The following RAB3D variants were observed in gnomAD, a reference collection of about 807,000 sequenced individuals.
RAB3D encodes ras-related protein Rab-3D.
RAB3D carries 17 observed loss-of-function variants against 19.3 expected under a neutral mutation model. The observed-to-expected ratio is 0.88, with a 90% confidence interval of 0.60 to 1.32. The LOEUF (loss-of-function observed/expected upper bound fraction) is 1.32. RAB3D is among the 40% of genes most tolerant of loss of function. The pLI, the probability that RAB3D is intolerant of heterozygous loss-of-function variation, is 0.00. For synonymous variants in RAB3D, 103 were observed against 119.9 expected, an observed-to-expected ratio of 0.86 and a Z score of 0.92; for missense variants, 223 against 299.1, an observed-to-expected ratio of 0.75 and a Z score of 1.88.
At position 11,324,568 on chromosome 19, in the gene RAB3D, CT is replaced by C. The variant is rs2080800171; in HGVS notation, c.*829del. The C allele has an allele frequency of 6.6e-6, 1 of 152,648 alleles. No individual in the cohort carries two copies. Among genetic ancestry groups the C allele is most frequent in the Admixed American group, 6.5e-5 (1 of 15,270 alleles). 9.5% of individuals were successfully genotyped at this position (152,648 alleles called of 1,614,324 possible). On this transcript the variant is annotated 3_prime_UTR_variant, in exon 5 of 5. Transcript: ENST00000222120. ...TCCTGGCTCTGAGGTTAATTAACTTCTGGCCGAAAGCCCAGAGCCGGAGTGC... is the reference window on the plus strand; with the variant it reads ...TCCTGGCTCTGAGGTTAATTAACTTCGGCCGAAAGCCCAGAGCCGGAGTGC...
rs1485846704 is a variant in RAB3D at position 11,325,147 on chromosome 19, C to T, written c.*251G>A. 5 of 430,964 alleles carry T rather than the reference C, an allele frequency of 1.2e-5. No individual in the cohort carries two copies. The highest frequency in any genetic ancestry group is 4.0e-5 in the East Asian group (1 of 24,800). The allele number at this position is 430,964 out of a possible 1,614,324, so 26.7% of individuals were successfully genotyped here. On this transcript the variant is annotated 3_prime_UTR_variant, in exon 5 of 5. Transcript: ENST00000222120. ...CCCTGGAAAGCAGCAAGCTCATGCA[C>T]GTCAGTGTCCCTGGGCCTCTGCCTG...
rs1278216691 is a variant in RAB3D at position 11,322,661 on chromosome 19, T to C, written c.*2737A>G. The C allele has an allele frequency of 6.6e-6, 1 of 152,204 alleles. No individual in the cohort carries two copies. The highest frequency in any genetic ancestry group is 6.5e-5 in the Admixed American group (1 of 15,276). The allele number at this position is 152,204 out of a possible 1,614,324, so 9.4% of individuals were successfully genotyped here. ...ATCATTCAATGTAACATTTGCCTTA[T>C]TTTTAGAAGAAACAAATGTTCCCAT... On this transcript the variant is annotated 3_prime_UTR_variant, in exon 5 of 5. Transcript: ENST00000222120.
chr19:11,328,152 G>C (rs536812779), intron 4 of RAB3D, among the ~76,000 whole-genome samples: 123 of 151,928 alleles, frequency 8.1e-4, no homozygotes, highest in South Asian at 1.7e-3. Flanking sequence ...TGGCCAACAT[G>C]ATGAAACCCC....
intron 4 of RAB3D, among the ~76,000 whole-genome samples, chr19:11,333,716 CAG>C (rs1166346516): frequency 6.7e-6 from 1 of 149,010 alleles, no homozygotes; most frequent in Non-Finnish European, 1.5e-5. Flanking sequence ...TCTTTTGAGA[CAG>C]AGTCTCCCCC....
chr19:11,326,657 G>T, intron 4 of RAB3D: 1 of 572,886 alleles, frequency 1.7e-6, no homozygotes, highest in Non-Finnish European at 3.1e-6. Flanking sequence ...AGGCCGGGGT[G>T]TAGTGGTATG....
At chr19:11,336,237 C>T (rs942407463) in intron 2 of RAB3D, among the ~76,000 whole-genome samples, 2 of 152,122 alleles carry the variant, frequency 1.3e-5, no homozygotes, top group Non-Finnish European at 2.9e-5. Flanking sequence ...AATGGGGGTC[C>T]CAGGGTCCCC....
rs1169246651 is a variant in RAB3D at position 11,323,022 on chromosome 19, G to C, written c.*2376C>G. 1 of 151,794 alleles carries C rather than the reference G, an allele frequency of 6.6e-6. No homozygotes were observed. Among genetic ancestry groups the C allele is most frequent in the Non-Finnish European group, 1.5e-5 (1 of 68,016 alleles). 9.4% of individuals were successfully genotyped at this position (151,794 alleles called of 1,614,324 possible). On this transcript the variant is annotated 3_prime_UTR_variant, in exon 5 of 5. Coordinates refer to ENST00000222120, the MANE Select transcript of RAB3D (RefSeq NM_004283.4). The stretch of plus-strand genomic sequence containing the variant: ...AGCTACTTAGGAGGCTGAGACAGGA[G>C]AATCGCTTGAACCCGGGAGGTGGAG...
At chr19:11,334,998 C>A (rs2080847232) in intron 4 of RAB3D, among the ~76,000 whole-genome samples, 1 of 152,192 alleles carries the variant, frequency 6.6e-6, no homozygotes, top group African/African-American at 2.4e-5. Flanking sequence ...GCCTGGGCGA[C>A]AGAGCGAGAC....
chr19:11,334,877 G>A (rs989828871), intron 4 of RAB3D, among the ~76,000 whole-genome samples: 1 of 151,810 alleles, frequency 6.6e-6, no homozygotes, highest in African/African-American at 2.4e-5. Flanking sequence ...GAGCCAATAC[G>A]GCACCACTGC....
chr19:11,325,194 T>G lies in RAB3D; in HGVS notation c.*204A>C. The G allele has an allele frequency of 1.9e-6, 1 of 531,668 alleles. No homozygotes were observed. The highest frequency in any genetic ancestry group is 3.4e-6 in the Non-Finnish European group (1 of 293,686). The allele number at this position is 531,668 out of a possible 1,614,324, so 32.9% of individuals were successfully genotyped here. A position where few individuals can be genotyped will look rare whatever the true frequency, so the allele number is the denominator to read the frequency against. ...CCTGCCATGCAGAGCTGAGTCCCCA[T>G]GGTCCGCAGCCTCCCACCGGGGCTG... On this transcript the variant is annotated 3_prime_UTR_variant, in exon 5 of 5. Transcript: ENST00000222120.
intron 4 of RAB3D, among the ~76,000 whole-genome samples, chr19:11,329,142 C>T (rs2080827028): frequency 6.6e-6 from 1 of 151,338 alleles, no homozygotes; most frequent in African/African-American, 2.4e-5. Context: ...TGGTCTCTAA[C>T]TGCTAGACTC....
At chr19:11,335,333 C>T (rs894893141) in intron 4 of RAB3D, 114 bp downstream of exon 4, 2 of 1,466,288 alleles carry the variant, frequency 1.4e-6, no homozygotes, top group African/African-American at 1.4e-5. Context: ...ACATGGGTAT[C>T]TTCCTGGGCA....
intron 4 of RAB3D, among the ~76,000 whole-genome samples, chr19:11,326,005 G>C (rs140657667): frequency 6.6e-6 from 1 of 152,068 alleles, no homozygotes; most frequent in South Asian, 2.1e-4. Flanking sequence ...AGGATCATTT[G>C]AGGTCAGGAG....
At position 11,337,374 on chromosome 19, in the gene RAB3D, G is replaced by A. The variant is rs1392324493; in HGVS notation, c.26C>T (p.Ala9Val). The change falls in exon 2 of 5, where the codon GCA becomes GTA. Residue 9 changes from alanine to valine, a missense_variant. Coordinates refer to ENST00000222120, the MANE Select transcript of RAB3D (RefSeq NM_004283.4). Reference sequence around the variant, plus strand: ...CTGATCTGCTGCATCCCGTGGGCCTGCCTGGGTGTCTCCAGCTGATGCCAT... The same window carrying A: ...CTGATCTGCTGCATCCCGTGGGCCTACCTGGGTGTCTCCAGCTGATGCCAT... Reference protein sequence around the residue: MASAGDTQAGPRDAADQNF... With the variant: MASAGDTQVGPRDAADQNF... 1 of 1,614,058 alleles carries A rather than the reference G, an allele frequency of 6.2e-7. No homozygotes were observed. The highest frequency in any genetic ancestry group is 8.5e-7 in the Non-Finnish European group (1 of 1,179,924).
intron 4 of RAB3D, among the ~76,000 whole-genome samples, chr19:11,333,435 G>A (rs1443376584): frequency 1.3e-5 from 2 of 152,102 alleles, no homozygotes; most frequent in Non-Finnish European, 2.9e-5. Flanking sequence ...GCAGGAAAGG[G>A]TATATACAGT....
rs917873361 is a variant in RAB3D, at chr19:11,332,725, C to T, written c.472+2722G>A. Among the ~76,000 whole-genome samples the T allele has an allele frequency of 2.0e-5, 3 of 152,170 alleles. No homozygotes were observed. The East Asian group carries it at 5.8e-4, about 29-fold the overall frequency. ...CAAATTCTTGGCCTGAAGCAATCCTCCTAATTCAGTCTCCAGAGTAGCTGG... is the reference window on the plus strand; with the variant it reads ...CAAATTCTTGGCCTGAAGCAATCCTTCTAATTCAGTCTCCAGAGTAGCTGG... On this transcript the variant is annotated intron_variant, in intron 4 of 4. Coordinates refer to ENST00000222120, the MANE Select transcript of RAB3D (RefSeq NM_004283.4).
chr19:11,331,885 G>A (rs575167497), intron 4 of RAB3D, among the ~76,000 whole-genome samples: 3 of 152,196 alleles, frequency 2.0e-5, no homozygotes, highest in Admixed American at 6.5e-5. Context: ...AAAAGGTTTC[G>A]ATGTCAAGGG....
intron 1 of RAB3D, among the ~76,000 whole-genome samples, chr19:11,337,799 T>C (rs78208113): frequency 1.3e-5 from 2 of 151,836 alleles, no homozygotes; most frequent in African/African-American, 2.4e-5. Context: ...GCCTCCCAAG[T>C]AGCTGGGACT....
intron 4 of RAB3D, among the ~76,000 whole-genome samples, chr19:11,335,063 A>G (rs559892261): frequency 1.4e-4 from 22 of 152,348 alleles, no homozygotes; most frequent in Admixed American, 7.8e-4. Flanking sequence ...ATCCTTTTCC[A>G]TGGCTGCATA....
Sources: allele counts gnomAD v4.1 joint callset (sites outside exome capture counted in the v4.1 genomes callset), GRCh38; gene constraint gnomAD v4.1.1; transcripts MANE v1.5; gene names NCBI Gene and HGNC (gene_info 2026-07-23, HGNC 2026-07-21).